Variants in LUZP2 observed in about 807,000 individuals in gnomAD.
LUZP2 encodes leucine zipper protein 2.
In LUZP2, 52 loss-of-function variants were observed where a neutral mutation model predicts 51.6. The observed-to-expected ratio is 1.01, with a 90% CI of 0.81 to 1.27. The LOEUF is 1.27. Ranked by LOEUF, LUZP2 falls within the 50% of genes most tolerant of loss-of-function variation. The pLI is 0.00. For synonymous variants in LUZP2, 154 were observed against 137.3 expected (o/e 1.12, Z -0.85); for missense variants, 436 against 395.4 (o/e 1.10, Z -0.87).
At chr11:24,555,012 T>C (rs1014307558) in intron 1 of LUZP2, among the ~76,000 whole-genome samples, 3 of 152,100 alleles carry the variant, frequency 2.0e-5, no homozygotes, top group Non-Finnish European at 4.4e-5. Flanking sequence ...TCAAAGGAAA[T>C]AAAGCTCCTA....
At chr11:24,715,739 A>C (rs548349679) in intron 1 of LUZP2, among the ~76,000 whole-genome samples, 2 of 152,210 alleles carry the variant, frequency 1.3e-5, no homozygotes, top group East Asian at 1.9e-4. Context: ...TCCTCATTTC[A>C]ATCTTTGTTC....
chr11:24,616,468 CGTGCGCAT>C (rs71041787), intron 1 of LUZP2, among the ~76,000 whole-genome samples: 898 of 76,600 alleles, frequency 0.012, 9 homozygotes, highest in South Asian at 0.033. Flanking sequence ...TGGTATTTGG[CGTGCGCAT>C]GTGTGTGTGT....
chr11:24,872,179 A>G (rs1268274885), intron 5 of LUZP2, among the ~76,000 whole-genome samples: 1 of 152,130 alleles, frequency 6.6e-6, no homozygotes, highest in East Asian at 1.9e-4. Context: ...TTCTTATATT[A>G]GAGTAGTTAT....
chr11:24,670,435 G>A (rs1856366547), intron 1 of LUZP2, among the ~76,000 whole-genome samples: 1 of 152,000 alleles, frequency 6.6e-6, no homozygotes, highest in African/African-American at 2.4e-5. Flanking sequence ...AGTTATATAA[G>A]TATGTAAACT....
chr11:24,920,107 G>A (rs190581884), intron 7 of LUZP2, among the ~76,000 whole-genome samples: 144 of 151,814 alleles, frequency 9.5e-4, no homozygotes, highest in Non-Finnish European at 1.5e-3. Context: ...GGAGGTAGGG[G>A]TAAATTAAAA....
intron 9 of LUZP2, among the ~76,000 whole-genome samples, chr11:25,041,047 C>A (rs1858038644): frequency 6.6e-6 from 1 of 152,090 alleles, no homozygotes; most frequent in Non-Finnish European, 1.5e-5. Context: ...CTCTCTGGAA[C>A]CACTGTCCCT....
chr11:25,008,091 C>G (rs560633453), intron 9 of LUZP2, among the ~76,000 whole-genome samples: 1 of 152,182 alleles, frequency 6.6e-6, no homozygotes, highest in Non-Finnish European at 1.5e-5. Context: ...TGTGACCAGT[C>G]GTGTCCTTAC....
intron 7 of LUZP2, among the ~76,000 whole-genome samples, chr11:24,943,341 T>C (rs1409466022): frequency 6.6e-6 from 1 of 152,156 alleles, no homozygotes; most frequent in African/African-American, 2.4e-5. Context: ...TACTGTCTGT[T>C]TTTTATTTTT....
intron 1 of LUZP2, among the ~76,000 whole-genome samples, chr11:24,647,099 T>C (rs1260316342): frequency 6.6e-6 from 1 of 151,976 alleles, no homozygotes; most frequent in East Asian, 1.9e-4. Flanking sequence ...TTCCACTCTT[T>C]CCACGCACTC....
At chr11:24,686,983 G>GCCTTGGGGC (rs1856914987) in intron 1 of LUZP2, among the ~76,000 whole-genome samples, 2 of 152,094 alleles carry the variant, frequency 1.3e-5, no homozygotes, top group African/African-American at 4.8e-5. Flanking sequence ...GCCCCAAGGC[G>GCCTTGGGGC]ACCAGCAGTG....
intron 1 of LUZP2, among the ~76,000 whole-genome samples, chr11:24,698,343 A>T (rs1261788503): frequency 6.6e-6 from 1 of 152,220 alleles, no homozygotes; most frequent in African/African-American, 2.4e-5. Context: ...TGAGCATCCC[A>T]GAAAAGTGTT....
intron 9 of LUZP2, among the ~76,000 whole-genome samples, chr11:24,984,733 T>C (rs1856144293): frequency 6.6e-6 from 1 of 151,020 alleles, no homozygotes; most frequent in African/African-American, 2.4e-5. Flanking sequence ...CTGCTGAGAG[T>C]CTTCAACGAA....
intron 10 of LUZP2, among the ~76,000 whole-genome samples, chr11:25,056,115 A>C (rs1398865778): frequency 6.6e-6 from 1 of 152,194 alleles, no homozygotes; most frequent in African/African-American, 2.4e-5. Context: ...TTGTATTTGT[A>C]ATGTATTTAT....
In LUZP2 at chr11:24,983,232, G is replaced by A. The variant is rs139865032; in HGVS notation, c.704G>A (p.Arg235Gln). Residue 235 changes from arginine (R) to glutamine (Q), a missense_variant, in exon 9 of 12, where the codon CGG becomes CAG. By Grantham distance (43) the Arg-to-Gln change is conservative. Transcript: ENST00000336930. ...PLSLITSNPT[R>Q]MLLPPRNIAS... Reference sequence around the variant, plus strand: ...AGTTTAATCACATCAAATCCAACTCGGATGTTACTCCCACCCAGGAATATT... The same window carrying A: ...AGTTTAATCACATCAAATCCAACTCAGATGTTACTCCCACCCAGGAATATT... 98 of 1,612,116 alleles carry A rather than the reference G, an allele frequency of 6.1e-5. No individual in the cohort carries two copies. The highest frequency in any genetic ancestry group is 5.6e-4 in the African/African-American group (42 of 74,810).
chr11:25,055,959 G>C (rs1312035498), intron 10 of LUZP2, among the ~76,000 whole-genome samples: 1 of 152,102 alleles, frequency 6.6e-6, no homozygotes, highest in African/African-American at 2.4e-5. Context: ...AGCACAGCAA[G>C]CTCTCAATAA....
intron 9 of LUZP2, among the ~76,000 whole-genome samples, chr11:24,989,720 T>C (rs1856282778): frequency 6.6e-6 from 1 of 152,130 alleles, no homozygotes; most frequent in Non-Finnish European, 1.5e-5. Context: ...TTTCTAGATG[T>C]CCAGCATTTG....
Position 24,963,719 on chromosome 11 carries a change from G to A in LUZP2, c.523-12872G>A, listed in dbSNP as rs554509200. Reference sequence around the variant, plus strand: ...AACTCCTTGACCCCTTGTGCTTCCCGAGTGAGGCAATGCCTCACCCTGCTT... The same window carrying A: ...AACTCCTTGACCCCTTGTGCTTCCCAAGTGAGGCAATGCCTCACCCTGCTT... On this transcript the variant is annotated intron_variant, in intron 7 of 11. Coordinates refer to ENST00000336930, the MANE Select transcript of LUZP2 (RefSeq NM_001009909.4). Among the ~76,000 whole-genome samples, 131 of 152,174 alleles carry A rather than the reference G, an allele frequency of 8.6e-4. 1 individual carries two copies. Among genetic ancestry groups the A allele is most frequent in the African/African-American group, 2.9e-3 (119 of 41,546 alleles).
chr11:24,570,496 AT>A (rs1447882193), intron 1 of LUZP2, among the ~76,000 whole-genome samples: 6 of 152,042 alleles, frequency 3.9e-5, no homozygotes, highest in African/African-American at 9.7e-5. Flanking sequence ...GTACATCTTG[AT>A]TTCAATTTTG....
At chr11:25,037,943 A>G (rs1383329554) in intron 9 of LUZP2, among the ~76,000 whole-genome samples, 1 of 151,882 alleles carries the variant, frequency 6.6e-6, no homozygotes, top group African/African-American at 2.4e-5. Context: ...TGCCTTGGGG[A>G]TAGTCCACTT....
Sources: gnomAD v4.1 joint callset for allele counts (sites outside exome capture counted in the v4.1 genomes callset) on GRCh38, gnomAD v4.1.1 for gene constraint, MANE v1.5 for transcripts, NCBI Gene and HGNC (gene_info 2026-07-23, HGNC 2026-07-21) for gene names.